The following CAPZB variants were observed in gnomAD, a reference collection of about 807,000 sequenced individuals.
The protein encoded by CAPZB is F-actin-capping protein subunit beta.
Under a neutral mutation model 38.1 loss-of-function variants are expected in CAPZB, and 2 were observed. The ratio of observed to expected loss-of-function variants is 0.05; its 90% CI spans 0.02 to 0.17. The LOEUF (loss-of-function observed/expected upper bound fraction) is 0.17. Ranked by LOEUF, CAPZB falls within the 10% of genes least tolerant of loss-of-function variation. CAPZB has a pLI of 1.00. For missense variants in CAPZB, 161 were observed against 334.2 expected (o/e 0.48, Z 4.04); for synonymous variants, 107 against 127.4 (o/e 0.84, Z 1.08).
chr1:19,365,434 A>G (rs1186891766), intron 4 of CAPZB, among the ~76,000 whole-genome samples: 1 of 152,246 alleles, frequency 6.6e-6, no homozygotes, highest in Non-Finnish European at 1.5e-5. Flanking sequence ...ATTTCCAGAA[A>G]GAGCACGGGC....
chr1:19,425,800 T>C (rs1478272652), intron 1 of CAPZB, among the ~76,000 whole-genome samples: 2 of 152,314 alleles, frequency 1.3e-5, no homozygotes, highest in East Asian at 1.9e-4. Context: ...ACAGGAAAAC[T>C]TGGCCTACTA....
chr1:19,395,203 G>C (rs1007503771), intron 2 of CAPZB, among the ~76,000 whole-genome samples: 1 of 152,204 alleles, frequency 6.6e-6, no homozygotes, highest in Admixed American at 6.5e-5. Flanking sequence ...ACTCAAGGCG[G>C]GGGTTGTGGT....
intron 1 of CAPZB, among the ~76,000 whole-genome samples, chr1:19,426,328 T>C (rs898512112): frequency 6.6e-6 from 1 of 152,122 alleles, no homozygotes; most frequent in Non-Finnish European, 1.5e-5. Context: ...CGACTGCTGT[T>C]GTGACTTAGA....
At chr1:19,375,423 C>T (rs1045219997) in intron 4 of CAPZB, among the ~76,000 whole-genome samples, 1 of 152,060 alleles carries the variant, frequency 6.6e-6, no homozygotes, top group Non-Finnish European at 1.5e-5. Flanking sequence ...GGCCCCACTG[C>T]CCCTGCACAT....
rs1569838211 is a variant in CAPZB, at chr1:19,339,362, T to G, written c.*168A>C. ...AAGCAGGCTCGGAGCCGGAGGAGGG[T>G]GGCTATCGGCTTTATTCTCAGGGAG... On this transcript the variant is annotated 3_prime_UTR_variant, in exon 9 of 9. Coordinates refer to ENST00000264202, the MANE Select transcript of CAPZB (RefSeq NM_004930.5). 3 of 660,810 alleles carry G rather than the reference T, an allele frequency of 4.5e-6. No homozygotes were observed. Among genetic ancestry groups the G allele is most frequent in the Non-Finnish European group, 2.7e-6 (1 of 366,992 alleles). The allele number at this position is 660,810 out of a possible 1,614,324, so 40.9% of individuals were successfully genotyped here. A position where few individuals can be genotyped will look rare whatever the true frequency, so the allele number is the denominator to read the frequency against.
chr1:19,382,789 A>G (rs553806197), intron 3 of CAPZB, among the ~76,000 whole-genome samples: 2 of 152,104 alleles, frequency 1.3e-5, no homozygotes, highest in Non-Finnish European at 2.9e-5. Flanking sequence ...AGTCAACTGG[A>G]GTTTTTAGGT....
chr1:19,390,522 A>G (rs1303992518), intron 2 of CAPZB, among the ~76,000 whole-genome samples: 2 of 152,152 alleles, frequency 1.3e-5, no homozygotes, highest in Admixed American at 6.5e-5. Flanking sequence ...TAAACACTAC[A>G]CTGGTCAGGA....
At chr1:19,400,799 G>A (rs770174528) in intron 2 of CAPZB, among the ~76,000 whole-genome samples, 28 of 152,116 alleles carry the variant, frequency 1.8e-4, no homozygotes, top group Non-Finnish European at 3.5e-4. Flanking sequence ...GCCAAGGAAC[G>A]GGCCTATATG....
At chr1:19,387,930 A>AT (rs1311537924) in intron 2 of CAPZB, among the ~76,000 whole-genome samples, 1 of 152,112 alleles carries the variant, frequency 6.6e-6, no homozygotes, top group Non-Finnish European at 1.5e-5. Flanking sequence ...AGACAATATC[A>AT]TCTGTCACCT....
chr1:19,452,908 A>T (rs1352310718), intron 1 of CAPZB, among the ~76,000 whole-genome samples: 2 of 148,784 alleles, frequency 1.3e-5, no homozygotes, highest in African/African-American at 5.0e-5. Flanking sequence ...AGTTCAAGCG[A>T]TTCACCTGCC....
At chr1:19,354,689 C>T (rs1451427829) in intron 6 of CAPZB, among the ~76,000 whole-genome samples, 2 of 152,220 alleles carry the variant, frequency 1.3e-5, no homozygotes, top group African/African-American at 4.8e-5. Context: ...CATGGGCTGA[C>T]AGCTCTGATT....
At chr1:19,444,845 C>T (rs1253769078) in intron 1 of CAPZB, among the ~76,000 whole-genome samples, 1 of 152,120 alleles carries the variant, frequency 6.6e-6, no homozygotes, top group Non-Finnish European at 1.5e-5. Context: ...CAGGTTCAAG[C>T]GATTCTCTTG....
At chr1:19,477,649 A>C (rs559181904) in intron 1 of CAPZB, among the ~76,000 whole-genome samples, 3 of 152,376 alleles carry the variant, frequency 2.0e-5, no homozygotes, top group African/African-American at 7.2e-5. Flanking sequence ...TCACTGCTGC[A>C]ACTGAGAAGG....
intron 1 of CAPZB, among the ~76,000 whole-genome samples, chr1:19,478,334 A>G (rs1335202917): frequency 6.6e-6 from 1 of 152,220 alleles, no homozygotes; most frequent in East Asian, 1.9e-4. Context: ...CCACAATAAT[A>G]AGAGATAACA....
chr1:19,371,906 G>A (rs2094121307), intron 4 of CAPZB, among the ~76,000 whole-genome samples: 1 of 152,244 alleles, frequency 6.6e-6, no homozygotes. Flanking sequence ...CAAATGGCGG[G>A]AAGGAGCAGG....
rs1397742952 is a variant in CAPZB, at chr1:19,341,257, C to T, written c.732-1640G>A. Among the ~76,000 whole-genome samples the T allele has an allele frequency of 3.3e-5, 5 of 152,212 alleles. No homozygotes were observed. In the South Asian group the frequency reaches 1.0e-3, roughly 32 times the overall value. ...CCAAAGGCATCAGCCCCCACGGCCC[C>T]CAGGCTCCAAATCTCAGCCGATTCC... On this transcript the variant is annotated intron_variant, in intron 8 of 8. Coordinates refer to ENST00000264202, the MANE Select transcript of CAPZB (RefSeq NM_004930.5).
chr1:19,373,621 C>G (rs1156495843), intron 4 of CAPZB, among the ~76,000 whole-genome samples: 1 of 152,132 alleles, frequency 6.6e-6, no homozygotes, highest in Non-Finnish European at 1.5e-5. Flanking sequence ...GGATCATGCT[C>G]TAGGTCTCTG....
chr1:19,343,491 C>T (rs930046704), intron 8 of CAPZB, among the ~76,000 whole-genome samples: 2 of 152,198 alleles, frequency 1.3e-5, no homozygotes, highest in African/African-American at 4.8e-5. Context: ...GACTGCAGAG[C>T]GTGTTCTAGA....
intron 6 of CAPZB, among the ~76,000 whole-genome samples, chr1:19,355,079 G>C (rs1224462028): frequency 1.3e-5 from 2 of 152,208 alleles, no homozygotes; most frequent in Non-Finnish European, 2.9e-5. Context: ...GAGAGGCAGT[G>C]GAGCTTCTAT....
Sources: gnomAD v4.1 joint callset for allele counts (sites outside exome capture counted in the v4.1 genomes callset) on GRCh38, gnomAD v4.1.1 for gene constraint, MANE v1.5 for transcripts, NCBI Gene and HGNC (gene_info 2026-07-23, HGNC 2026-07-21) for gene names.